The following PRKAR2B variants were observed in gnomAD, a reference collection of about 807,000 sequenced individuals.
PRKAR2B encodes the protein protein kinase cAMP-dependent type II regulatory subunit beta.
In PRKAR2B, 14 loss-of-function variants were observed where a neutral mutation model predicts 49.9. The ratio of observed to expected loss-of-function variants is 0.28; its 90% confidence interval spans 0.19 to 0.44. The LOEUF (loss-of-function observed/expected upper bound fraction) is 0.44, where lower values mean the gene tolerates loss of function less well. PRKAR2B is among the 20% of genes least tolerant of loss of function. PRKAR2B has a pLI of 1.00. For missense variants in PRKAR2B, 393 were observed against 537.9 expected (o/e 0.73, Z 2.67); for synonymous variants, 196 against 197.7 (o/e 0.99, Z 0.07).
At chr7:107,123,501 G>A (rs1010668171) in intron 3 of PRKAR2B, among the ~76,000 whole-genome samples, 1 of 152,234 alleles carries the variant, frequency 6.6e-6, no homozygotes. Flanking sequence ...AGGCCAAGCT[G>A]TAGGCCTGGC....
chr7:107,155,663 CTTCTTTTGA>C (rs1448469137), intron 8 of PRKAR2B, among the ~76,000 whole-genome samples: 1 of 151,240 alleles, frequency 6.6e-6, no homozygotes, highest in African/African-American at 2.4e-5. Context: ...GCATAAATAT[CTTCTTTTGA>C]TTCTTTTGAG....
chr7:107,141,331 C>T (rs182047805), intron 5 of PRKAR2B, among the ~76,000 whole-genome samples: 3 of 152,162 alleles, frequency 2.0e-5, no homozygotes. Context: ...TCACAGTAGA[C>T]CTCAATTGGT....
intron 1 of PRKAR2B, among the ~76,000 whole-genome samples, chr7:107,054,552 C>T (rs1315742618): frequency 6.6e-6 from 1 of 152,066 alleles, no homozygotes; most frequent in Non-Finnish European, 1.5e-5. Flanking sequence ...TGCAAGTTTC[C>T]CTCCTTGACG....
chr7:107,046,584 A>G (rs1793699142), intron 1 of PRKAR2B, among the ~76,000 whole-genome samples: 1 of 152,240 alleles, frequency 6.6e-6, no homozygotes, highest in Non-Finnish European at 1.5e-5. Context: ...GAGGATAAAC[A>G]TAGTCTTAAT....
intron 10 of PRKAR2B, among the ~76,000 whole-genome samples, chr7:107,158,551 A>T (rs1796139335): frequency 6.6e-6 from 1 of 152,188 alleles, no homozygotes. Context: ...CGATAAATTA[A>T]TCATTCCTTA....
chr7:107,141,110 G>A (rs915741790), intron 5 of PRKAR2B, among the ~76,000 whole-genome samples, 157 bp downstream of exon 5: 5 of 152,182 alleles, frequency 3.3e-5, no homozygotes, highest in African/African-American at 1.2e-4. Flanking sequence ...GTGAGTACAT[G>A]CAGTGAAACC....
intron 2 of PRKAR2B, among the ~76,000 whole-genome samples, chr7:107,104,054 G>A (rs1164950039): frequency 1.3e-5 from 2 of 151,566 alleles, no homozygotes; most frequent in South Asian, 2.1e-4. Context: ...TTTTTGAGAC[G>A]GAGTCTCGCA....
chr7:107,080,555 A>G (rs1309063656), intron 2 of PRKAR2B, among the ~76,000 whole-genome samples: 2 of 152,168 alleles, frequency 1.3e-5, no homozygotes, highest in African/African-American at 4.8e-5. Context: ...GAAATTAGGG[A>G]AAAGATGGTG....
chr7:107,111,914 C>T (rs767237956), intron 2 of PRKAR2B, among the ~76,000 whole-genome samples: 4 of 145,532 alleles, frequency 2.7e-5, no homozygotes, highest in East Asian at 2.0e-4. Context: ...TGCCAGTAAT[C>T]GTAGCATGTT....
At chr7:107,155,498 G>A (rs1796065352) in intron 8 of PRKAR2B, among the ~76,000 whole-genome samples, 1 of 152,166 alleles carries the variant, frequency 6.6e-6, no homozygotes, top group Non-Finnish European at 1.5e-5. Context: ...CAGTGCAAAA[G>A]CATTCCTATT....
intron 2 of PRKAR2B, among the ~76,000 whole-genome samples, chr7:107,086,566 ATGC>A (rs1450010491): frequency 5.3e-5 from 8 of 151,922 alleles, no homozygotes; most frequent in African/African-American, 1.9e-4. Flanking sequence ...GGCTCAAGTG[ATGC>A]TCCCACCTCA....
chr7:107,075,361 A>C (rs1417535163), intron 2 of PRKAR2B, among the ~76,000 whole-genome samples: 7 of 151,596 alleles, frequency 4.6e-5, no homozygotes, highest in African/African-American at 1.7e-4. Flanking sequence ...TTGGCCTCCC[A>C]AAATGCTGGG....
At chr7:107,143,092 C>T (rs897655295) in intron 5 of PRKAR2B, among the ~76,000 whole-genome samples, 2 of 152,166 alleles carry the variant, frequency 1.3e-5, no homozygotes, top group Non-Finnish European at 2.9e-5. Context: ...AGATTTTAGA[C>T]TGATGTGATT....
chr7:107,079,983 A>G (rs1180375463), intron 2 of PRKAR2B, among the ~76,000 whole-genome samples: 1 of 152,230 alleles, frequency 6.6e-6, no homozygotes, highest in Non-Finnish European at 1.5e-5. Flanking sequence ...TGAGCCTGCT[A>G]AAGGGCAGGC....
At chr7:107,093,061 T>G (rs1169873384) in intron 2 of PRKAR2B, among the ~76,000 whole-genome samples, 1 of 152,202 alleles carries the variant, frequency 6.6e-6, no homozygotes, top group Admixed American at 6.5e-5. Context: ...TTTCCTTCCT[T>G]TTTAAGATGA....
At chr7:107,077,485 G>T (rs143928251) in intron 2 of PRKAR2B, 3 of 152,164 alleles carry the variant, frequency 2.0e-5, no homozygotes, top group African/African-American at 7.2e-5. Context: ...TAGGTTTTAC[G>T]AGGACTATAA....
intron 4 of PRKAR2B, among the ~76,000 whole-genome samples, chr7:107,138,918 A>T (rs374873974): frequency 6.6e-6 from 1 of 152,024 alleles, no homozygotes; most frequent in Non-Finnish European, 1.5e-5. Flanking sequence ...GGCTGAAGCA[A>T]TCTGCCTGCC....
chr7:107,054,859 C>T (rs912339651), intron 1 of PRKAR2B, among the ~76,000 whole-genome samples: 25 of 152,164 alleles, frequency 1.6e-4, no homozygotes, highest in East Asian at 5.8e-4. Context: ...ATGTACACAA[C>T]GTGCAGGTTT....
At chr7:107,054,388 G>A (rs1481062609) in intron 1 of PRKAR2B, among the ~76,000 whole-genome samples, 1 of 148,534 alleles carries the variant, frequency 6.7e-6, no homozygotes, top group South Asian at 2.1e-4. Context: ...GGTATATAGC[G>A]GCACATGACA....
Sources: gnomAD v4.1 joint callset for allele counts (sites outside exome capture counted in the v4.1 genomes callset) on GRCh38, gnomAD v4.1.1 for gene constraint, MANE v1.5 for transcripts, NCBI Gene and HGNC (gene_info 2026-07-23, HGNC 2026-07-21) for gene names.